The following PDK1 variants were observed in gnomAD, a reference collection of about 807,000 sequenced individuals.
The protein encoded by PDK1 is [Pyruvate dehydrogenase (acetyl-transferring)] kinase isozyme 1, mitochondrial.
A neutral mutation model predicts 54.2 loss-of-function variants in PDK1; 39 were observed. That is an observed-to-expected ratio of 0.72 (90% confidence interval 0.56 to 0.94). The LOEUF is 0.94. Among genes scored for constraint, PDK1 ranks in the 40% least tolerant of loss-of-function variants. PDK1 has a pLI of 0.00. For synonymous variants in PDK1, 221 were observed against 207.1 expected, an observed-to-expected ratio of 1.07 and a Z score of -0.58; for missense variants, 552 against 566.0, an observed-to-expected ratio of 0.98 and a Z score of 0.25.
the PDK1 span, among the ~76,000 whole-genome samples, chr2:172,629,407 G>A: frequency 6.6e-6 from 1 of 152,198 alleles, no homozygotes; most frequent in African/African-American, 2.4e-5. Flanking sequence ...AAGAAGAGAA[G>A]AAGTAGCTGG....
the PDK1 span, among the ~76,000 whole-genome samples, chr2:172,665,871 C>T: frequency 6.6e-6 from 1 of 152,252 alleles, no homozygotes; most frequent in East Asian, 1.9e-4. Flanking sequence ...GCCCTTTGCC[C>T]TATTCCTTCC....
At chr2:172,689,774 T>G in the PDK1 span, among the ~76,000 whole-genome samples, 1 of 137,034 alleles carries the variant, frequency 7.3e-6, no homozygotes, top group Non-Finnish European at 1.6e-5. Context: ...TCATAAATGG[T>G]GCTGGGAAAA....
At chr2:172,668,785 C>T in the PDK1 span, among the ~76,000 whole-genome samples, 2 of 141,702 alleles carry the variant, frequency 1.4e-5, no homozygotes, top group Non-Finnish European at 3.0e-5. Flanking sequence ...TGTACACACA[C>T]ATATATGTAT....
intron 4 of PDK1, 109 bp from the exon 5 acceptor site, chr2:172,564,869 C>G: frequency 1.1e-6 from 1 of 916,470 alleles, no homozygotes; most frequent in Non-Finnish European, 1.7e-6. Context: ...TATGTTTATC[C>G]TAAAGGAAAA....
chr2:172,557,427 A>G (rs1688394345), intron 1 of PDK1, among the ~76,000 whole-genome samples: 2 of 152,182 alleles, frequency 1.3e-5, no homozygotes, highest in South Asian at 4.1e-4. Context: ...CTGTTTGCCA[A>G]AGGACATTCT....
intron 2 of PDK1, among the ~76,000 whole-genome samples, chr2:172,560,939 T>C (rs1453225312): frequency 6.6e-6 from 1 of 152,236 alleles, no homozygotes; most frequent in Non-Finnish European, 1.5e-5. Flanking sequence ...TTATGATTCA[T>C]GGAGATTCAA....
intron 8 of PDK1, 79 bp from the exon 9 acceptor site, chr2:172,586,199 C>T (rs1690217785): frequency 1.4e-6 from 1 of 717,232 alleles, no homozygotes; most frequent in Non-Finnish European, 2.5e-6. Flanking sequence ...AGCAGTTAAA[C>T]TGTGATGCTA....
chr2:172,652,588 A>G, the PDK1 span, among the ~76,000 whole-genome samples: 1 of 152,340 alleles, frequency 6.6e-6, no homozygotes, highest in Admixed American at 6.5e-5. Flanking sequence ...TCAACCCAAA[A>G]TCTCCTTAAG....
At position 172,605,236 on chromosome 2, in the gene PDK1, C is replaced by T. The variant is rs1396891506; in HGVS notation, c.*9267C>T. The stretch of plus-strand genomic sequence containing the variant: ...GATAGAACCAAATACCATAATGCCT[C>T]CTTCTATTCCACTATGAACAGTCAA... On this transcript the variant is annotated 3_prime_UTR_variant, in exon 11 of 11. Coordinates refer to ENST00000282077, the MANE Select transcript of PDK1 (RefSeq NM_002610.5). 6.6e-6 allele frequency: 1 copy of T among 152,130 alleles called. No homozygotes were observed. Among genetic ancestry groups the T allele is most frequent in the Non-Finnish European group, 1.5e-5 (1 of 68,020 alleles). 9.4% of individuals were successfully genotyped at this position (152,130 alleles called of 1,614,324 possible).
At chr2:172,625,603 C>A in the PDK1 span, among the ~76,000 whole-genome samples, 1 of 152,126 alleles carries the variant, frequency 6.6e-6, no homozygotes, top group Non-Finnish European at 1.5e-5. Flanking sequence ...TGTAAATATT[C>A]CTTTATCCAG....
chr2:172,608,997 C>G (rs143376543), downstream of PDK1, among the ~76,000 whole-genome samples: 1,151 of 152,254 alleles, frequency 7.6e-3, 21 homozygotes, highest in African/African-American at 0.026. Flanking sequence ...AGTCCCAAAT[C>G]AATGAAGATA....
chr2:172,565,990 G>A (rs1024372377), intron 5 of PDK1, among the ~76,000 whole-genome samples: 2 of 152,086 alleles, frequency 1.3e-5, no homozygotes, highest in African/African-American at 4.8e-5. Context: ...GCTCACTTTT[G>A]CTAGTATTTT....
chr2:172,589,489 C>T (rs903172745), intron 9 of PDK1, among the ~76,000 whole-genome samples: 3 of 152,174 alleles, frequency 2.0e-5, no homozygotes, highest in Admixed American at 2.0e-4. Context: ...AGGGAAGGAA[C>T]CAGGGGAGTA....
intron 8 of PDK1, among the ~76,000 whole-genome samples, chr2:172,580,293 G>A (rs559098205): frequency 1.4e-5 from 2 of 142,174 alleles, no homozygotes; most frequent in East Asian, 2.0e-4. Flanking sequence ...TTGGTTAGTT[G>A]TGTGTCAGCT....
chr2:172,707,900 A>G, the PDK1 span, among the ~76,000 whole-genome samples: 1 of 152,244 alleles, frequency 6.6e-6, no homozygotes, highest in Non-Finnish European at 1.5e-5. Flanking sequence ...GGAATTTACA[A>G]ATCCACATTA....
the PDK1 span, among the ~76,000 whole-genome samples, chr2:172,622,034 CGTTTATATCTCATATATGTGAGATAT>C: frequency 2.8e-5 from 4 of 141,476 alleles, no homozygotes; most frequent in Admixed American, 7.2e-5. Flanking sequence ...CTCGTATATA[CGTTTATATCTCATATATGTGAGATAT>C]GTTTATATCT....
intron 1 of PDK1, chr2:172,558,254 A>T (rs558792769): frequency 6.5e-6 from 1 of 153,066 alleles, no homozygotes; most frequent in East Asian, 1.9e-4. Flanking sequence ...GGACCAGCTT[A>T]AAGTTTCTGT....
chr2:172,697,549 A>G, the PDK1 span, among the ~76,000 whole-genome samples: 3 of 152,284 alleles, frequency 2.0e-5, no homozygotes, highest in African/African-American at 4.8e-5. Flanking sequence ...GTGATGCTCT[A>G]TGATCCAAGC....
the PDK1 span, among the ~76,000 whole-genome samples, chr2:172,691,760 G>A: frequency 2.0e-5 from 3 of 152,262 alleles, no homozygotes; most frequent in East Asian, 3.9e-4. Context: ...TTTCTCTTTA[G>A]CACTGAATAA....
Sources: allele counts gnomAD v4.1 joint callset (sites outside exome capture counted in the v4.1 genomes callset), GRCh38; gene constraint gnomAD v4.1.1; transcripts MANE v1.5; gene names NCBI Gene and HGNC (gene_info 2026-07-23, HGNC 2026-07-21).